HERC3: variants seen among roughly 807,000 people sequenced by gnomAD.
The protein encoded by HERC3 is probable E3 ubiquitin-protein ligase HERC3.
In HERC3, 58 loss-of-function variants were observed where a neutral mutation model predicts 129.9. That is an observed-to-expected ratio of 0.45 (90% CI 0.36 to 0.56). The LOEUF (loss-of-function observed/expected upper bound fraction) is 0.56, where lower values mean the gene tolerates loss of function less well. Ranked by LOEUF, HERC3 falls within the 20% of genes least tolerant of loss-of-function variation. HERC3 has a pLI of 0.00. For synonymous variants in HERC3, 430 were observed against 451.0 expected (o/e 0.95, Z 0.59); for missense variants, 835 against 1,244.2 (o/e 0.67, Z 4.95).
chr4:88,650,098 A>C, intron 4 of HERC3, 99 bp downstream of exon 4: 1 of 1,266,434 alleles, frequency 7.9e-7, no homozygotes, highest in Non-Finnish European at 1.1e-6. Context: ...TTTAATTGCT[A>C]TTTCCTTTGC....
chr4:88,622,194 T>C (rs1363303396), intron 3 of HERC3, among the ~76,000 whole-genome samples: 1 of 152,232 alleles, frequency 6.6e-6, no homozygotes, highest in African/African-American at 2.4e-5. Context: ...TCTGTTTCTA[T>C]AGATTTGCTT....
intron 23 of HERC3, among the ~76,000 whole-genome samples, chr4:88,687,643 A>G (rs1387612821): frequency 6.6e-6 from 1 of 152,230 alleles, no homozygotes; most frequent in Admixed American, 6.5e-5. Context: ...AAATGAGATA[A>G]TTCACAGGAA....
At chr4:88,683,556 T>G (rs1733052232) in intron 21 of HERC3, among the ~76,000 whole-genome samples, 1 of 152,256 alleles carries the variant, frequency 6.6e-6, no homozygotes, top group African/African-American at 2.4e-5. Context: ...TGACTTTGGC[T>G]GATTAACTGG....
At chr4:88,653,515 G>T (rs529387620) in intron 6 of HERC3, among the ~76,000 whole-genome samples, 1 of 152,172 alleles carries the variant, frequency 6.6e-6, no homozygotes, top group Non-Finnish European at 1.5e-5. Context: ...CAGAGAAGTC[G>T]TGTAGACCCA....
the HERC3 span, among the ~76,000 whole-genome samples, chr4:88,585,708 G>A: frequency 6.6e-6 from 1 of 151,980 alleles, no homozygotes; most frequent in Admixed American, 6.6e-5. Flanking sequence ...CAAAATTTTG[G>A]CAAAGGAACA....
chr4:88,606,739 T>A (rs1723687156), intron 3 of HERC3, among the ~76,000 whole-genome samples: 3 of 152,166 alleles, frequency 2.0e-5, no homozygotes, highest in Admixed American at 2.0e-4. Context: ...TCATTCACTA[T>A]TATGAGAACA....
In HERC3 at chr4:88,669,895, A is replaced by G. The variant is rs368032010; in HGVS notation, c.1669A>G (p.Met557Val). 1.9e-6 allele frequency: 3 copies of G among 1,613,668 alleles called. No homozygotes were observed. Among genetic ancestry groups the G allele is most frequent in the African/African-American group, 2.7e-5 (2 of 74,924 alleles). ...WWSQVCPKYF[M>V]KLVNLYKGAV... Reference sequence around the variant, plus strand: ...GTCTCAGGTATGCCCGAAATATTTCATGAAGCTGGTAAACCTCTATAAAGG... The same window carrying G: ...GTCTCAGGTATGCCCGAAATATTTCGTGAAGCTGGTAAACCTCTATAAAGG... The change falls in exon 15 of 26, where the codon ATG (methionine) becomes GTG (valine). Residue 557 changes from methionine (M) to valine (V), a missense_variant. By Grantham distance (21) the Met-to-Val change is conservative. Coordinates refer to ENST00000402738, the MANE Select transcript of HERC3 (RefSeq NM_014606.3).
intron 3 of HERC3, among the ~76,000 whole-genome samples, chr4:88,648,992 CTCTT>C (rs549135487): frequency 1.3e-5 from 2 of 151,842 alleles, no homozygotes; most frequent in Non-Finnish European, 2.9e-5. Flanking sequence ...CTATAGCACT[CTCTT>C]TCTAGTTCAT....
chr4:88,557,110 C>A, the HERC3 span, among the ~76,000 whole-genome samples: 5 of 152,216 alleles, frequency 3.3e-5, no homozygotes, highest in African/African-American at 1.2e-4. Context: ...CCTTTCCCAC[C>A]TTATCCTTCA....
At chr4:88,536,794 A>T in the HERC3 span, among the ~76,000 whole-genome samples, 13 of 152,302 alleles carry the variant, frequency 8.5e-5, no homozygotes, top group East Asian at 2.5e-3. Flanking sequence ...AATTCAAAAC[A>T]TATAAACTCT....
the HERC3 span, among the ~76,000 whole-genome samples, chr4:88,528,967 T>C: frequency 9.2e-5 from 14 of 152,330 alleles, no homozygotes; most frequent in Admixed American, 2.0e-4. Context: ...ATGTAATTCT[T>C]AATGTTTATG....
At chr4:88,694,791 C>A (rs537686507) in intron 23 of HERC3, among the ~76,000 whole-genome samples, 3 of 152,192 alleles carry the variant, frequency 2.0e-5, no homozygotes, top group South Asian at 4.2e-4. Context: ...ATACACATTT[C>A]TTATTAGAGG....
chr4:88,581,541 G>A, the HERC3 span, among the ~76,000 whole-genome samples: 5 of 151,722 alleles, frequency 3.3e-5, no homozygotes, highest in African/African-American at 1.2e-4. Context: ...CCTGACCTCA[G>A]GTGATCTGCT....
intron 9 of HERC3, 95 bp from the exon 10 acceptor site, chr4:88,658,320 C>T (rs1215960094): frequency 2.1e-5 from 13 of 605,118 alleles, no homozygotes; most frequent in East Asian, 8.5e-5. Flanking sequence ...TGGATAGGTA[C>T]CCACTCTGAA....
chr4:88,568,428 T>C, the HERC3 span, among the ~76,000 whole-genome samples: 6 of 151,998 alleles, frequency 3.9e-5, no homozygotes, highest in East Asian at 1.9e-4. Context: ...GGGCCTGGAG[T>C]TGGGAACTTT....
the HERC3 span, among the ~76,000 whole-genome samples, chr4:88,558,071 CAA>C: frequency 1.3e-4 from 5 of 39,152 alleles, no homozygotes; most frequent in Non-Finnish European, 2.7e-4. Context: ...GACTCTGACT[CAA>C]AAAAAAAAAA....
upstream of HERC3, among the ~76,000 whole-genome samples, chr4:88,590,270 A>G (rs1231427738): frequency 1.4e-5 from 2 of 145,844 alleles, no homozygotes; most frequent in Non-Finnish European, 3.0e-5. Flanking sequence ...TCCTTCTCAA[A>G]AAAACAAACT....
chr4:88,578,205 T>C, the HERC3 span, among the ~76,000 whole-genome samples: 18 of 152,236 alleles, frequency 1.2e-4, no homozygotes, highest in Non-Finnish European at 2.2e-4. Context: ...CCCTTTACAT[T>C]ATCATAATTA....
chr4:88,662,036 A>C (rs751474151), intron 10 of HERC3, among the ~76,000 whole-genome samples: 1 of 152,198 alleles, frequency 6.6e-6, no homozygotes, highest in South Asian at 2.1e-4. Flanking sequence ...AAGAACATCT[A>C]CTGAGGGATG....
Sources: gnomAD v4.1 joint callset for allele counts (sites outside exome capture counted in the v4.1 genomes callset) on GRCh38, gnomAD v4.1.1 for gene constraint, MANE v1.5 for transcripts, NCBI Gene and HGNC (gene_info 2026-07-23, HGNC 2026-07-21) for gene names.